Variants in ACOT12 observed in about 807,000 individuals in gnomAD.
ACOT12 encodes acyl-CoA thioesterase 12, also known as acetyl-coenzyme A thioesterase.
Under a neutral mutation model 67.7 loss-of-function variants are expected in ACOT12, and 51 were observed. That is an observed-to-expected ratio of 0.75 (90% CI 0.60 to 0.95). The LOEUF (loss-of-function observed/expected upper bound fraction) is 0.95, where lower values mean the gene tolerates loss of function less well. Ranked by LOEUF, ACOT12 falls within the 40% of genes least tolerant of loss-of-function variation. ACOT12 has a pLI of 0.00. For missense variants in ACOT12, 734 were observed against 708.1 expected (o/e 1.04, Z -0.41); for synonymous variants, 251 against 244.6 (o/e 1.03, Z -0.24).
chr5:81,310,157 T>TAAAAAAAAAAAAAAAA, the ACOT12 span, among the ~76,000 whole-genome samples: 76 of 104,748 alleles, frequency 7.3e-4, no homozygotes, highest in African/African-American at 2.6e-3. Context: ...TGACTAGCTG[T>TAAAAAAAAAAAAAAAA]AAAAAAAAAA....
intron 8 of ACOT12, 133 bp from the exon 9 acceptor site, chr5:81,344,348 G>T: frequency 1.2e-6 from 1 of 834,402 alleles, no homozygotes; most frequent in South Asian, 2.1e-5. Flanking sequence ...TCCATGAACT[G>T]ACTTCATCAA....
chr5:81,363,841 G>C lies in ACOT12; in HGVS notation c.307C>G (p.Leu103Val). Residue 103 changes from leucine (L) to valine (V), a missense_variant, in exon 4 of 15, where the codon CTT becomes GTT. Transcript: ENST00000307624. ...AATGTGGAGAAAGCCACACTAACAA[G>C]CTTCTCAATGCCAGTGAGCATATCC... is the stretch of plus-strand genomic sequence containing the variant. ...VQDMLTGIEK[L>V]VSVAFSTFVA... 1 of 1,611,740 alleles carries C rather than the reference G, an allele frequency of 6.2e-7. No individual in the cohort carries two copies. The highest frequency in any genetic ancestry group is 8.5e-7 in the Non-Finnish European group (1 of 1,179,184).
At chr5:81,388,329 C>G (rs1485765980) in intron 1 of ACOT12, among the ~76,000 whole-genome samples, 1 of 152,172 alleles carries the variant, frequency 6.6e-6, no homozygotes, top group African/African-American at 2.4e-5. Context: ...CCATAGGGTC[C>G]TGGCTTCACA....
chr5:81,312,049 C>T, the ACOT12 span, among the ~76,000 whole-genome samples: 1 of 152,168 alleles, frequency 6.6e-6, no homozygotes, highest in Non-Finnish European at 1.5e-5. Context: ...TATTTACAAG[C>T]TTGTCTAGAA....
chr5:81,369,604 C>G (rs1437760679), intron 3 of ACOT12, among the ~76,000 whole-genome samples: 1 of 152,158 alleles, frequency 6.6e-6, no homozygotes, highest in Non-Finnish European at 1.5e-5. Context: ...CACGGCGGAT[C>G]AGGCCTGGAA....
intron 3 of ACOT12, among the ~76,000 whole-genome samples, chr5:81,369,258 G>A (rs992451573): frequency 2.0e-5 from 3 of 152,130 alleles, no homozygotes; most frequent in East Asian, 1.9e-4. Flanking sequence ...GTGGGAAGAG[G>A]GAAGAGACTG....
Position 81,330,900 on chromosome 5 carries a change from A to G in ACOT12, c.1432T>C (p.Ser478Pro). ...ATGTACTGTGGAGACGGGGGGACCG[A>G]TGGCAAAATGACCGACTTCACTGCC... ...TVAVKSVILPSVPPSPQYIRS... is the reference protein window; with the variant it reads ...TVAVKSVILPPVPPSPQYIRS... The change falls in exon 14 of 15, where the codon TCG (serine) becomes CCG (proline). Residue 478 changes from serine to proline, a missense_variant. Ser to Pro is a moderately conservative substitution (Grantham distance 74). Transcript: ENST00000307624. The G allele has an allele frequency of 6.2e-7, 1 of 1,612,912 alleles. No homozygotes were observed. The highest frequency in any genetic ancestry group is 8.5e-7 in the Non-Finnish European group (1 of 1,179,564).
At position 81,335,309 on chromosome 5, in the gene ACOT12, A is replaced by G. The variant is rs192695569; in HGVS notation, c.1262+459T>C. 9.2e-5 allele frequency among the ~76,000 whole-genome samples: 14 copies of G among 152,298 alleles called. No homozygotes were observed. The East Asian group carries it at 2.5e-3, about 27-fold the overall frequency. ...TCAATATAGATGATAAGTGAGTATA[A>G]TTTTTGTTTTGTGTCTCTCAATATC... On this transcript the variant is annotated intron_variant, in intron 12 of 14. Coordinates refer to ENST00000307624, the MANE Select transcript of ACOT12 (RefSeq NM_130767.3).
At chr5:81,374,661 C>A (rs1760354252) in intron 2 of ACOT12, among the ~76,000 whole-genome samples, 2 of 152,104 alleles carry the variant, frequency 1.3e-5, no homozygotes, top group African/African-American at 4.8e-5. Flanking sequence ...CCTGATGGAG[C>A]TGAAAAACAC....
intron 3 of ACOT12, among the ~76,000 whole-genome samples, chr5:81,367,213 A>G (rs189486807): frequency 6.6e-5 from 10 of 152,350 alleles, no homozygotes; most frequent in Admixed American, 6.5e-4. Context: ...GGAAAATGAC[A>G]CTAGGGAGAC....
intron 3 of ACOT12, among the ~76,000 whole-genome samples, chr5:81,371,321 A>G (rs922946987): frequency 2.0e-5 from 3 of 152,078 alleles, no homozygotes; most frequent in Non-Finnish European, 4.4e-5. Flanking sequence ...GGTACAATCA[A>G]AGCTCATTGT....
rs368045674 is a variant in ACOT12 at position 81,336,459 on chromosome 5, T to C, written c.1129-558A>G. The stretch of plus-strand genomic sequence containing the variant: ...TCCTCAGCACGAAGCACCCTTTCAT[T>C]TCCGAATCACAGTGGCTGGATCATC... On this transcript the variant is annotated intron_variant, in intron 11 of 14. Transcript: ENST00000307624. 3.4e-4 allele frequency among the ~76,000 whole-genome samples: 52 copies of C among 152,252 alleles called. 1 individual carries two copies. In the South Asian group the frequency reaches 0.011, roughly 31 times the overall value.
chr5:81,367,301 C>A (rs1356841513), intron 3 of ACOT12, among the ~76,000 whole-genome samples: 1 of 152,076 alleles, frequency 6.6e-6, no homozygotes, highest in Non-Finnish European at 1.5e-5. Context: ...TAAAATACTT[C>A]TTTTCATTTC....
chr5:81,330,699 C>T (rs1758789583), intron 14 of ACOT12, 115 bp downstream of exon 14: 6 of 1,523,028 alleles, frequency 3.9e-6, no homozygotes, highest in Non-Finnish European at 4.4e-6. Flanking sequence ...CTTAGGATTC[C>T]CATAGTGTGG....
At chr5:81,342,588 TC>T in intron 11 of ACOT12, 83 bp downstream of exon 11, 1 of 1,352,846 alleles carries the variant, frequency 7.4e-7, no homozygotes, top group East Asian at 2.3e-5. Flanking sequence ...CTTAAAAGCC[TC>T]AGTAGAAGCA....
intron 3 of ACOT12, among the ~76,000 whole-genome samples, chr5:81,368,528 CA>C (rs776454090): frequency 4.0e-5 from 6 of 151,494 alleles, no homozygotes; most frequent in Non-Finnish European, 8.8e-5. Context: ...AATTATAAAT[CA>C]AAAACATAAA....
At chr5:81,388,514 T>C (rs992987694) in intron 1 of ACOT12, among the ~76,000 whole-genome samples, 4 of 152,226 alleles carry the variant, frequency 2.6e-5, no homozygotes, top group African/African-American at 9.6e-5. Context: ...TGATTGTAAG[T>C]AGGTACGAAA....
At chr5:81,339,914 G>T (rs931626601) in intron 11 of ACOT12, among the ~76,000 whole-genome samples, 1 of 151,984 alleles carries the variant, frequency 6.6e-6, no homozygotes, top group Non-Finnish European at 1.5e-5. Context: ...TTATAGAGAT[G>T]AAGTCATTTT....
At chr5:81,314,251 C>G in the ACOT12 span, among the ~76,000 whole-genome samples, 67 of 151,994 alleles carry the variant, frequency 4.4e-4, no homozygotes, top group Non-Finnish European at 8.8e-4. Context: ...ATTATAGGCA[C>G]GCACCACCAC....
Sources: allele counts gnomAD v4.1 joint callset (sites outside exome capture counted in the v4.1 genomes callset), GRCh38; gene constraint gnomAD v4.1.1; transcripts MANE v1.5; gene names NCBI Gene and HGNC (gene_info 2026-07-23, HGNC 2026-07-21).